TTC28: variants seen among roughly 807,000 people sequenced by gnomAD.
TTC28 encodes tetratricopeptide repeat protein 28.
Under a neutral mutation model 198.0 loss-of-function variants are expected in TTC28, and 61 were observed. That is an observed-to-expected ratio of 0.31 (90% CI 0.25 to 0.38). The LOEUF (loss-of-function observed/expected upper bound fraction) is 0.38. Among genes scored for constraint, TTC28 ranks in the 10% least tolerant of loss-of-function variants. TTC28 has a pLI of 1.00. For synonymous variants in TTC28, 1,171 were observed against 1,297.8 expected (o/e 0.90, Z 2.10); for missense variants, 2,678 against 3,164.0 (o/e 0.85, Z 3.69).
At chr22:28,221,044 T>G (rs1353949673) in intron 5 of TTC28, among the ~76,000 whole-genome samples, 1 of 152,092 alleles carries the variant, frequency 6.6e-6, no homozygotes, top group Non-Finnish European at 1.5e-5. Flanking sequence ...GTATACAACT[T>G]TAAGAATTAA....
chr22:28,290,499 A>G (rs1324276658), intron 5 of TTC28, among the ~76,000 whole-genome samples: 1 of 152,212 alleles, frequency 6.6e-6, no homozygotes, highest in Non-Finnish European at 1.5e-5. Flanking sequence ...AATAATTTGC[A>G]TTACAAGAGA....
chr22:28,087,463 C>G (rs537171664), intron 12 of TTC28, among the ~76,000 whole-genome samples: 16 of 152,154 alleles, frequency 1.1e-4, no homozygotes, highest in East Asian at 3.9e-4. Context: ...ATTCAACAAC[C>G]CTTCATGCTA....
At chr22:28,390,301 G>GA (rs2046694280) in intron 2 of TTC28, among the ~76,000 whole-genome samples, 2 of 152,076 alleles carry the variant, frequency 1.3e-5, no homozygotes, top group South Asian at 2.1e-4. Context: ...GTGTGGTGCT[G>GA]AAAAAAATGC....
chr22:28,075,921 G>C (rs1468485124), intron 12 of TTC28, among the ~76,000 whole-genome samples: 1 of 152,150 alleles, frequency 6.6e-6, no homozygotes, highest in Non-Finnish European at 1.5e-5. Flanking sequence ...TCCACACCGT[G>C]AGCTACTGTA....
intron 6 of TTC28, among the ~76,000 whole-genome samples, chr22:28,127,255 C>A (rs1942939661): frequency 6.6e-6 from 1 of 152,062 alleles, no homozygotes; most frequent in South Asian, 2.1e-4. Flanking sequence ...CTGTCATGAA[C>A]TGGAATCTTA....
chr22:28,011,950 C>T (rs558734566), intron 14 of TTC28, among the ~76,000 whole-genome samples: 7 of 152,252 alleles, frequency 4.6e-5, no homozygotes, highest in African/African-American at 1.7e-4. Flanking sequence ...AATCTGGGGA[C>T]CTGAATGCAA....
intron 6 of TTC28, among the ~76,000 whole-genome samples, chr22:28,152,205 G>A (rs1416858967): frequency 6.6e-6 from 1 of 152,174 alleles, no homozygotes; most frequent in East Asian, 1.9e-4. Flanking sequence ...TCTAGGAAAA[G>A]AGGAGAAAGG....
At chr22:28,679,233 G>A (rs1471288998) in intron 1 of TTC28, among the ~76,000 whole-genome samples, 1 of 152,218 alleles carries the variant, frequency 6.6e-6, no homozygotes, top group Non-Finnish European at 1.5e-5. Context: ...CCCGGGCTGC[G>A]CCGACACCTG....
At chr22:28,242,717 T>G (rs1210970692) in intron 5 of TTC28, among the ~76,000 whole-genome samples, 1 of 152,136 alleles carries the variant, frequency 6.6e-6, no homozygotes, top group Non-Finnish European at 1.5e-5. Context: ...TTTAAAAGAT[T>G]TTTTTCCATT....
In TTC28 at chr22:28,163,145, AT is replaced by A; in HGVS notation, c.1387del (p.Ile463LeufsTer18). On this transcript the variant is annotated frameshift_variant, in exon 6 of 23. Transcript: ENST00000397906. LOFTEE classifies it high-confidence loss of function. ...AGCCCGGTCCTTGAGATCCTCAGCA[AT>A]GCCCAGCTGCTGCTCATGGTATTGT... Reference protein sequence around the residue: ...AKQYHEQQLGIAEDLKDRAAE... With the variant: ...AKQYHEQQLGXAEDLKDRAAE... 6.4e-7 allele frequency: 1 copy of A among 1,551,714 alleles called. No homozygotes were observed. The highest frequency in any genetic ancestry group is 8.7e-7 in the Non-Finnish European group (1 of 1,146,978).
intron 1 of TTC28, among the ~76,000 whole-genome samples, chr22:28,644,726 G>C (rs902948394): frequency 6.6e-6 from 1 of 152,014 alleles, no homozygotes; most frequent in Non-Finnish European, 1.5e-5. Flanking sequence ...GGGAGGCTGA[G>C]GTGGGAGGAT....
intron 5 of TTC28, among the ~76,000 whole-genome samples, chr22:28,186,431 T>C (rs1035725225): frequency 6.6e-6 from 1 of 152,194 alleles, no homozygotes; most frequent in African/African-American, 2.4e-5. Flanking sequence ...CGAATGCCTG[T>C]AACTACAGAC....
At chr22:28,459,270 A>T (rs2047912166) in intron 2 of TTC28, among the ~76,000 whole-genome samples, 1 of 151,974 alleles carries the variant, frequency 6.6e-6, no homozygotes, top group Non-Finnish European at 1.5e-5. Context: ...CTACCCAACA[A>T]AATACAAAAA....
Position 27,999,023 on chromosome 22 carries a change from C to T in TTC28, c.4636G>A (p.Ala1546Thr). The T allele has an allele frequency of 6.5e-7, 1 of 1,550,326 alleles. No homozygotes were observed. Among genetic ancestry groups the T allele is most frequent in the Non-Finnish European group, 8.7e-7 (1 of 1,146,964 alleles). The change falls in exon 16 of 23, where the codon GCC becomes ACC. Residue 1546 changes from alanine (A) to threonine (T), a missense_variant. By Grantham distance (58) the Ala-to-Thr change is moderately conservative. Coordinates refer to ENST00000397906, the MANE Select transcript of TTC28 (RefSeq NM_001145418.2). ...ALTQAECVHF[A>T]THISWKLSAL... ...GACAGCTTCCAGGAGATGTGGGTGGCAAAGTGGACGCATTCAGCCTGGGTC... is the reference window on the plus strand; with the variant it reads ...GACAGCTTCCAGGAGATGTGGGTGGTAAAGTGGACGCATTCAGCCTGGGTC...
chr22:28,416,278 C>A (rs1421881269), intron 2 of TTC28, among the ~76,000 whole-genome samples: 1 of 152,062 alleles, frequency 6.6e-6, no homozygotes, highest in African/African-American at 2.4e-5. Flanking sequence ...TCTCCTTTAC[C>A]CTTTGAAAGA....
At chr22:28,433,069 C>T (rs2047456156) in intron 2 of TTC28, among the ~76,000 whole-genome samples, 1 of 152,184 alleles carries the variant, frequency 6.6e-6, no homozygotes, top group Admixed American at 6.5e-5. Context: ...TTCTCAACAT[C>T]TTGCTGGATG....
intron 2 of TTC28, among the ~76,000 whole-genome samples, chr22:28,513,066 A>G (rs576366944): frequency 6.6e-6 from 1 of 150,750 alleles, no homozygotes; most frequent in African/African-American, 2.4e-5. Flanking sequence ...TGTAAACTCA[A>G]AAGCTCCTGG....
rs539481812 is a variant in TTC28, at chr22:28,009,959, AG to A, written c.4218+4288del. 2.3e-4 allele frequency among the ~76,000 whole-genome samples: 35 copies of A among 152,362 alleles called. 1 individual carries two copies. The East Asian group carries it at 5.0e-3, about 22-fold the overall frequency. On this transcript the variant is annotated intron_variant, in intron 14 of 22. Coordinates refer to ENST00000397906, the MANE Select transcript of TTC28 (RefSeq NM_001145418.2). The stretch of plus-strand genomic sequence containing the variant: ...ATGATTTACTTTAATACCTTTAAAA[AG>A]GTTTCACTCTGTCTCATTTAAAGCA...
At chr22:28,488,597 T>C (rs2048338628) in intron 2 of TTC28, among the ~76,000 whole-genome samples, 1 of 152,208 alleles carries the variant, frequency 6.6e-6, no homozygotes, top group Non-Finnish European at 1.5e-5. Flanking sequence ...TCCAGGACTT[T>C]TGCTTAAAGC....
Sources: gnomAD v4.1 joint callset for allele counts (sites outside exome capture counted in the v4.1 genomes callset) on GRCh38, gnomAD v4.1.1 for gene constraint, MANE v1.5 for transcripts, NCBI Gene and HGNC (gene_info 2026-07-23, HGNC 2026-07-21) for gene names.